Variants in MID2 observed in about 807,000 individuals in gnomAD.
MID2 encodes midline 2.
MID2 carries 13 observed loss-of-function variants against 46.1 expected under a neutral mutation model. The observed-to-expected ratio is 0.28, with a 90% CI of 0.18 to 0.45. The LOEUF is 0.45. Among genes scored for constraint, MID2 ranks in the 20% least tolerant of loss-of-function variants. The pLI is 1.00. For missense variants in MID2, 431 were observed against 575.4 expected (o/e 0.75, Z 2.57); for synonymous variants, 199 against 212.3 (o/e 0.94, Z 0.55).
intron 3 of MID2, among the ~76,000 whole-genome samples, chrX:107,889,519 G>A (rs2094777878): frequency 9.0e-6 from 1 of 111,237 alleles, no homozygotes. Flanking sequence ...TCCCTTTGTG[G>A]GACCCGGCCT....
chrX:107,908,119 C>T (rs1202998518), intron 5 of MID2, among the ~76,000 whole-genome samples: 4 of 112,373 alleles, frequency 3.6e-5, no homozygotes, highest in African/African-American at 9.7e-5. Context: ...ACAACAAAGC[C>T]AAGCAATTTC....
At chrX:107,856,890 A>T (rs1463877727) in intron 3 of MID2, among the ~76,000 whole-genome samples, 2 of 112,139 alleles carry the variant, frequency 1.8e-5, no homozygotes, top group Non-Finnish European at 3.8e-5. Flanking sequence ...GCTAAATCCG[A>T]TCATGTAAGC....
intron 2 of MID2, among the ~76,000 whole-genome samples, chrX:107,849,736 C>G (rs898478417): frequency 4.4e-5 from 5 of 112,469 alleles, no homozygotes; most frequent in Admixed American, 9.4e-5. Context: ...CAAATCTTTC[C>G]CTTACTTTGT....
Position 107,840,652 on chromosome X carries a change from G to A in MID2, c.5-18G>A. The A allele has an allele frequency of 6.0e-6, 7 of 1,160,620 alleles. No individual in the cohort carries two copies. The highest frequency in any genetic ancestry group is 8.2e-6 in the Non-Finnish European group (7 of 851,873). On this transcript the variant is annotated intron_variant, in intron 1 of 9. Transcript: ENST00000262843. ...CCTTTGGAAATGCCTAATGACTCTT[G>A]CTTTGTATTCCTTGCAGGTGAAAGC... is the stretch of plus-strand genomic sequence containing the variant.
chrX:107,877,823 C>T (rs908563737), intron 3 of MID2, among the ~76,000 whole-genome samples: 5 of 110,919 alleles, frequency 4.5e-5, no homozygotes, highest in African/African-American at 1.3e-4. Flanking sequence ...AGGGCTTCAA[C>T]CCAAAGTTTA....
chrX:107,845,568 G>T (rs1931452345), intron 2 of MID2, among the ~76,000 whole-genome samples: 1 of 92,262 alleles, frequency 1.1e-5, no homozygotes. Context: ...CAGCAAGACT[G>T]GGACAGAGAA....
At chrX:107,872,058 C>T (rs950335399) in intron 3 of MID2, among the ~76,000 whole-genome samples, 2 of 112,073 alleles carry the variant, frequency 1.8e-5, no homozygotes, top group African/African-American at 6.5e-5. Context: ...TCTGAAGAGG[C>T]TCATCTAACT....
At chrX:107,859,908 G>A (rs1226895677) in intron 3 of MID2, among the ~76,000 whole-genome samples, 1 of 111,738 alleles carries the variant, frequency 8.9e-6, no homozygotes, top group Non-Finnish European at 1.9e-5. Context: ...AGTAGCTTGG[G>A]CCCAAATAAT....
At chrX:107,917,032 T>C (rs948208129) in intron 6 of MID2, among the ~76,000 whole-genome samples, 1 of 111,591 alleles carries the variant, frequency 9.0e-6, no homozygotes. Flanking sequence ...TCCCAGCTTC[T>C]CAGGAGGCTG....
chrX:107,844,675 G>A (rs1316290509), intron 2 of MID2, among the ~76,000 whole-genome samples: 1 of 110,601 alleles, frequency 9.0e-6, no homozygotes, highest in African/African-American at 3.3e-5. Context: ...TTCTTGTGCT[G>A]CCCATGTATT....
chrX:107,907,307 T>C (rs1447183125), intron 5 of MID2, among the ~76,000 whole-genome samples: 1 of 112,378 alleles, frequency 8.9e-6, no homozygotes, highest in Non-Finnish European at 1.9e-5. Flanking sequence ...TCATAATGGC[T>C]ATCTCAAATC....
intron 3 of MID2, among the ~76,000 whole-genome samples, chrX:107,885,786 G>GT (rs1430922833): frequency 1.3e-4 from 14 of 111,778 alleles, no homozygotes; most frequent in Non-Finnish European, 2.6e-4. Context: ...GGCACCTGTT[G>GT]TTTACTGACT....
intron 1 of MID2, 84 bp downstream of exon 1, chrX:107,826,514 AGGTGCCGCCGGGGCCC>A: frequency 9.6e-7 from 1 of 1,044,170 alleles, no homozygotes; most frequent in Non-Finnish European, 1.3e-6. Flanking sequence ...GCCGCTTTTC[AGGTGCCGCCGGGGCCC>A]GGCGTTGGCC....
chrX:107,905,603 G>A lies in MID2; in HGVS notation c.1050G>A (p.Gln350=). Residue 350 remains glutamine (Q), a synonymous_variant, in exon 5 of 10, where the codon CAG becomes CAA. Transcript: ENST00000262843. ...LKENDQARFL[Q]SAKNIAERVA... ...AAAATGACCAGGCACGGTTTCTACA[G>A]TCTGCAAAAAATATTGCTGAGAGGT... 1 of 1,200,982 alleles carries A rather than the reference G, an allele frequency of 8.3e-7. No homozygotes were observed. The highest frequency in any genetic ancestry group is 1.9e-5 in the South Asian group (1 of 53,859).
At position 107,931,177 on chromosome X, in the gene MID2, G is replaced by A. The variant is rs1037970031; in HGVS notation, c.*4104G>A. ...TGACTACCAAGATGGAGCAATCCAC[G>A]GATGGACTTTTGAATAAACTCAAAT... is the stretch of plus-strand genomic sequence containing the variant. On this transcript the variant is annotated 3_prime_UTR_variant, in exon 10 of 10. Coordinates refer to ENST00000262843, the MANE Select transcript of MID2 (RefSeq NM_012216.4). Among the ~76,000 whole-genome samples the A allele has an allele frequency of 9.8e-5, 11 of 112,291 alleles. No individual in the cohort carries two copies. Among genetic ancestry groups the A allele is most frequent in the African/African-American group, 3.6e-4 (11 of 30,936 alleles).
intron 3 of MID2, among the ~76,000 whole-genome samples, chrX:107,885,068 C>T (rs1274419696): frequency 9.2e-6 from 1 of 108,920 alleles, no homozygotes; most frequent in Non-Finnish European, 1.9e-5. Flanking sequence ...GATCCCTTCC[C>T]GTTTTTGTTT....
At chrX:107,919,480 T>C (rs1010814743) in intron 7 of MID2, among the ~76,000 whole-genome samples, 4 of 112,206 alleles carry the variant, frequency 3.6e-5, no homozygotes, top group African/African-American at 1.3e-4. Flanking sequence ...CTAATCCATC[T>C]TTCACATAAC....
At chrX:107,834,019 C>T in intron 1 of MID2, among the ~76,000 whole-genome samples, 1 of 111,105 alleles carries the variant, frequency 9.0e-6, no homozygotes, top group Non-Finnish European at 1.9e-5. Context: ...GTCTCGAATT[C>T]CTAGGCTCAA....
rs145397838 is a variant in MID2 at position 107,841,155 on chromosome X, C to T, written c.490C>T (p.Arg164Cys). The T allele has an allele frequency of 1.1e-5, 13 of 1,209,243 alleles. No individual in the cohort carries two copies. The highest frequency in any genetic ancestry group is 1.8e-5 in the African/African-American group (1 of 56,947). Residue 164 changes from arginine (R) to cysteine (C), a missense_variant, in exon 2 of 10, where the codon CGT (arginine) becomes TGT (cysteine). Coordinates refer to ENST00000262843, the MANE Select transcript of MID2 (RefSeq NM_012216.4). The part of the protein sequence containing the change: ...CITCEVSYCD[R>C]CLRATHPNKK... ...CACCTGTGAGGTCTCCTACTGTGAC[C>T]GTTGCCTGCGGGCCACGCACCCCAA...
Sources: gnomAD v4.1 joint callset for allele counts (sites outside exome capture counted in the v4.1 genomes callset) on GRCh38, gnomAD v4.1.1 for gene constraint, MANE v1.5 for transcripts, NCBI Gene and HGNC (gene_info 2026-07-23, HGNC 2026-07-21) for gene names.